The following MYO7A variants were observed in gnomAD, a reference collection of about 807,000 sequenced individuals.
MYO7A encodes myosin VIIA.
A neutral mutation model predicts 263.8 loss-of-function variants in MYO7A; 210 were observed. That is an observed-to-expected ratio of 0.80 (90% confidence interval 0.71 to 0.89). The LOEUF is 0.89. Among genes scored for constraint, MYO7A ranks in the 40% least tolerant of loss-of-function variants. MYO7A has a pLI of 0.00. For missense variants in MYO7A, 2,820 were observed against 2,968.3 expected, an observed-to-expected ratio of 0.95 and a Z score of 1.16; for synonymous variants, 1,239 against 1,197.3, an observed-to-expected ratio of 1.03 and a Z score of -0.72.
chr11:77,148,515 G>A (rs1483643585), intron 4 of MYO7A, among the ~76,000 whole-genome samples: 2 of 152,194 alleles, frequency 1.3e-5, no homozygotes, highest in East Asian at 3.9e-4. Context: ...CCCCAGCCAG[G>A]ACAGAGCAGA....
chr11:77,139,092 A>G (rs879954680), intron 2 of MYO7A, among the ~76,000 whole-genome samples: 1 of 152,234 alleles, frequency 6.6e-6, no homozygotes, highest in Non-Finnish European at 1.5e-5. Context: ...GTGCATTTGC[A>G]TGGGTCTCTC....
intron 21 of MYO7A, among the ~76,000 whole-genome samples, 160 bp downstream of exon 21, chr11:77,180,113 C>T (rs1555083149): frequency 6.6e-6 from 1 of 152,236 alleles, no homozygotes; most frequent in Admixed American, 6.5e-5. Flanking sequence ...CCCTCATTTC[C>T]ATCCTCTCAG....
intron 2 of MYO7A, among the ~76,000 whole-genome samples, chr11:77,135,470 A>G (rs1169202431): frequency 2.0e-5 from 3 of 152,212 alleles, no homozygotes; most frequent in Non-Finnish European, 4.4e-5. Context: ...TCATTCATCT[A>G]TTGAGGAACA....
chr11:77,207,594 T>C (rs1221082751), intron 42 of MYO7A, among the ~76,000 whole-genome samples, 192 bp downstream of exon 42: 1 of 152,188 alleles, frequency 6.6e-6, no homozygotes, highest in Non-Finnish European at 1.5e-5. Flanking sequence ...TCTGAGGCAC[T>C]GCACATGGCT....
chr11:77,159,403 G>GGGCCCC, intron 9 of MYO7A, 44 bp from the exon 10 acceptor site: 2 of 711,718 alleles, frequency 2.8e-6, no homozygotes, highest in Non-Finnish European at 5.0e-6. Context: ...TGCCCCTGTT[G>GGGCCCC]CCCACCCTCC....
chr11:77,188,789 T>A (rs1955819542), intron 27 of MYO7A, among the ~76,000 whole-genome samples: 1 of 152,216 alleles, frequency 6.6e-6, no homozygotes, highest in Non-Finnish European at 1.5e-5. Context: ...ATTACAAAAG[T>A]CATACATGGC....
At position 77,129,509 on chromosome 11, in the gene MYO7A, T is replaced by A. The variant is rs536907540; in HGVS notation, c.-47+1020T>A. The stretch of plus-strand genomic sequence containing the variant: ...TGTAGGCTGGGGCTGCCTTTTAAGC[T>A]CCTTCCTGAGGCCGTCTCTGGGTCT... On this transcript the variant is annotated intron_variant, in intron 1 of 48. Coordinates refer to ENST00000409709, the MANE Select transcript of MYO7A (RefSeq NM_000260.4). 1.2e-4 allele frequency among the ~76,000 whole-genome samples: 19 copies of A among 152,236 alleles called. No individual in the cohort carries two copies. In the South Asian group the frequency reaches 3.9e-3, roughly 32 times the overall value.
At chr11:77,146,037 G>C (rs782032312) in intron 3 of MYO7A, among the ~76,000 whole-genome samples, 1 of 152,242 alleles carries the variant, frequency 6.6e-6, no homozygotes, top group Non-Finnish European at 1.5e-5. Context: ...CGTGGCCTGA[G>C]ATGTGGCCCT....
At chr11:77,214,366 G>A (rs759713247) in intron 48 of MYO7A, among the ~76,000 whole-genome samples, 15 of 152,212 alleles carry the variant, frequency 9.9e-5, no homozygotes, top group African/African-American at 1.4e-4. Context: ...GGAGGGATCC[G>A]TGACTTGAGG....
intron 35 of MYO7A, among the ~76,000 whole-genome samples, chr11:77,201,029 C>T (rs3781690): frequency 6.6e-6 from 1 of 151,678 alleles, no homozygotes; most frequent in East Asian, 1.9e-4. Context: ...GGCCCCATGC[C>T]GACTGGGGTC....
intron 15 of MYO7A, among the ~76,000 whole-genome samples, chr11:77,168,052 C>T (rs1591318879): frequency 6.6e-6 from 1 of 152,248 alleles, no homozygotes; most frequent in South Asian, 2.1e-4. Flanking sequence ...CTGGCCTCTC[C>T]CACTCTTTCC....
intron 42 of MYO7A, 66 bp from the exon 43 acceptor site, chr11:77,208,364 T>C (rs374523109): frequency 1.6e-6 from 2 of 1,259,340 alleles, no homozygotes; most frequent in South Asian, 1.3e-5. Context: ...AGACAGGCCT[T>C]AGGTGGGAAG....
intron 45 of MYO7A, 34 bp downstream of exon 45, chr11:77,211,371 C>A (rs766889027): frequency 7.1e-5 from 110 of 1,551,562 alleles, no homozygotes; most frequent in Non-Finnish European, 9.0e-5. Context: ...AATGGTGGGG[C>A]CCTGAATGGG....
At chr11:77,142,930 G>A (rs1005135389) in intron 3 of MYO7A, 108 bp downstream of exon 3, 2 of 913,230 alleles carry the variant, frequency 2.2e-6, no homozygotes, top group Non-Finnish European at 3.5e-6. Context: ...CCATGCCCAT[G>A]CCCCCACTTC....
At position 77,162,279 on chromosome 11, in the gene MYO7A, C is replaced by T. The variant is rs1555069551; in HGVS notation, c.1503C>T (p.Asn501=). 7.1e-6 allele frequency: 11 copies of T among 1,553,460 alleles called. No individual in the cohort carries two copies. The highest frequency in any genetic ancestry group is 9.6e-6 in the Non-Finnish European group (11 of 1,147,950). The change falls in exon 13 of 49, where the codon AAC becomes AAT. Residue 501 remains asparagine, a synonymous_variant. Coordinates refer to ENST00000409709, the MANE Select transcript of MYO7A (RefSeq NM_000260.4). ...DNQDALDMIA[N]KPMNIISLID... ...AGGATGCCCTGGACATGATTGCCAA[C>T]AAGCCCATGAACATCATCTCCCTCA...
Position 77,208,694 on chromosome 11 carries a change from C to T in MYO7A, c.5945-3C>T, listed in dbSNP as rs898467282. 1 of 1,576,398 alleles carries T rather than the reference C, an allele frequency of 6.3e-7. No homozygotes were observed. The highest frequency in any genetic ancestry group is 8.6e-7 in the Non-Finnish European group (1 of 1,159,608). ...CTGGGTGACCGACTGCCCTGTGCTG[C>T]AGGAATTGTGCCCTCACTCACCTAC... On this transcript the variant is annotated splice_polypyrimidine_tract_variant and splice_region_variant and intron_variant, in intron 43 of 48. Transcript: ENST00000409709.
chr11:77,146,833 G>C (rs373726676), intron 3 of MYO7A, among the ~76,000 whole-genome samples: 1 of 152,090 alleles, frequency 6.6e-6, no homozygotes, highest in Non-Finnish European at 1.5e-5. Flanking sequence ...CTGAGAGTCT[G>C]GGATTTTGCA....
At chr11:77,211,666 C>A (rs1957886200) in intron 45 of MYO7A, among the ~76,000 whole-genome samples, 155 bp from the exon 46 acceptor site, 1 of 152,150 alleles carries the variant, frequency 6.6e-6, no homozygotes, top group South Asian at 2.1e-4. Context: ...CCTTCACAGT[C>A]CCCAGGTCTG....
At chr11:77,191,833 C>G (rs945717660) in intron 30 of MYO7A, among the ~76,000 whole-genome samples, 5 of 152,252 alleles carry the variant, frequency 3.3e-5, no homozygotes, top group African/African-American at 1.2e-4. Flanking sequence ...ATGGGAATTC[C>G]CACGTCACCG....
Sources: gnomAD v4.1 joint callset for allele counts (sites outside exome capture counted in the v4.1 genomes callset) on GRCh38, gnomAD v4.1.1 for gene constraint, MANE v1.5 for transcripts, NCBI Gene and HGNC (gene_info 2026-07-23, HGNC 2026-07-21) for gene names.